The following MX2 variants were observed in gnomAD, a reference collection of about 807,000 sequenced individuals.
The protein encoded by MX2 is MX dynamin like GTPase 2, also known as interferon-induced GTP-binding protein Mx2.
A neutral mutation model predicts 74.0 loss-of-function variants in MX2; 51 were observed. That is an observed-to-expected ratio of 0.69 (90% confidence interval 0.55 to 0.87). The LOEUF (loss-of-function observed/expected upper bound fraction) is 0.87. MX2 is among the 40% of genes least tolerant of loss of function. The pLI, the probability that MX2 is intolerant of heterozygous loss-of-function variation, is 0.00. For missense variants in MX2, 832 were observed against 908.7 expected (o/e 0.92, Z 1.09); for synonymous variants, 369 against 339.3 (o/e 1.09, Z -0.96).
rs141821127 is a variant in MX2, at chr21:41,377,095, C to T, written c.189C>T (p.Phe63=). 6.2e-7 allele frequency: 1 copy of T among 1,614,100 alleles called. No homozygotes were observed. The highest frequency in any genetic ancestry group is 1.1e-5 in the South Asian group (1 of 91,092). The part of the protein sequence containing the change: ...EKDAAFLAKD[F]NFLTLNNQPP... Reference sequence around the variant, plus strand: ...ACGCTGCTTTCCTCGCCAAGGACTTCAACTTTCTCACTTTGAACAATCAGC... The same window carrying T: ...ACGCTGCTTTCCTCGCCAAGGACTTTAACTTTCTCACTTTGAACAATCAGC... Residue 63 remains phenylalanine, a synonymous_variant, in exon 2 of 14, where the codon TTC becomes TTT. Transcript: ENST00000330714.
chr21:41,402,926 C>T lies in MX2; in HGVS notation c.1574-341C>T. ...CTGAAAAGAGGTGGGGCTCAGGCAG[C>T]AGTGCTCACTAGCTCACTGCACACC... On this transcript the variant is annotated intron_variant, in intron 11 of 13. Coordinates refer to ENST00000330714, the MANE Select transcript of MX2 (RefSeq NM_002463.2). This position sits in a 1 kb window ranked among gnomAD's most constrained non-coding sequence, Gnocchi z 4.5. 4.1e-6 allele frequency: 1 copy of T among 246,058 alleles called. No individual in the cohort carries two copies. The highest frequency in any genetic ancestry group is 8.2e-6 in the Non-Finnish European group (1 of 122,454). The allele number at this position is 246,058 out of a possible 1,614,324, so 15.2% of individuals were successfully genotyped here.
At position 41,368,034 on chromosome 21, in the gene MX2, C is replaced by T. The variant is rs2089282821; in HGVS notation, c.-72+5979C>T. Among the ~76,000 whole-genome samples, 1 of 152,182 alleles carries T rather than the reference C, an allele frequency of 6.6e-6. No homozygotes were observed. Among genetic ancestry groups the T allele is most frequent in the Non-Finnish European group, 1.5e-5 (1 of 68,040 alleles). Reference sequence around the variant, plus strand: ...CCCTCTCTCAAGACCTGCACTTTCTCTTCAAGTCAAGGTCCACAGCTCCCA... The same window carrying T: ...CCCTCTCTCAAGACCTGCACTTTCTTTTCAAGTCAAGGTCCACAGCTCCCA... On this transcript the variant is annotated intron_variant, in intron 1 of 13. Transcript: ENST00000330714. This position sits in a 1 kb window ranked among gnomAD's most constrained non-coding sequence, Gnocchi z 4.6.
At chr21:41,382,856 G>C (rs1239280531) in intron 5 of MX2, among the ~76,000 whole-genome samples, 1 of 152,252 alleles carries the variant, frequency 6.6e-6, no homozygotes, top group African/African-American at 2.4e-5. Context: ...CAGTTGTGCT[G>C]ATAGTCAAAA....
chr21:41,387,741 C>T (rs1447121310), intron 5 of MX2, among the ~76,000 whole-genome samples: 1 of 152,198 alleles, frequency 6.6e-6, no homozygotes, highest in African/African-American at 2.4e-5. Flanking sequence ...CCCCTGAAAT[C>T]CAGGCTCCTA....
chr21:41,397,530 C>T (rs1467803078), intron 7 of MX2, 83 bp from the exon 8 acceptor site: 2 of 1,274,810 alleles, frequency 1.6e-6, no homozygotes, highest in Admixed American at 1.8e-5. Context: ...GGGAGCTGGG[C>T]TCACCTACCA....
chr21:41,391,014 A>G lies in MX2; in HGVS notation c.871+311A>G, dbSNP rs534920660. Among the ~76,000 whole-genome samples the G allele has an allele frequency of 1.8e-3, 272 of 151,954 alleles. 1 individual carries two copies. Among genetic ancestry groups the G allele is most frequent in the African/African-American group, 6.2e-3 (257 of 41,458 alleles). On this transcript the variant is annotated intron_variant, in intron 6 of 13. Transcript: ENST00000330714. ...GAGCAAGACTCCATCTCAAAAAAAA[A>G]AAAAAGAACCAAGCTTCCAGGGCAT...
chr21:41,390,281 T>G, intron 5 of MX2: 1 of 397,786 alleles, frequency 2.5e-6, no homozygotes, highest in South Asian at 2.6e-5. Flanking sequence ...TCGGGTGAGA[T>G]CTAGAGGGGA....
intron 8 of MX2, 122 bp downstream of exon 8, chr21:41,397,813 C>A: frequency 1.3e-6 from 1 of 742,266 alleles, no homozygotes; most frequent in South Asian, 1.8e-5. Context: ...ACCCTCTGAA[C>A]ACTGTCTCAC....
chr21:41,392,250 A>G (rs2145929625), intron 6 of MX2, among the ~76,000 whole-genome samples: 1 of 152,360 alleles, frequency 6.6e-6, no homozygotes, highest in Non-Finnish European at 1.5e-5. Context: ...AATAGCCCAA[A>G]GGTGGGAGCA....
intron 3 of MX2, among the ~76,000 whole-genome samples, chr21:41,379,069 G>C (rs866246981): frequency 1.3e-5 from 2 of 152,234 alleles, no homozygotes; most frequent in Admixed American, 1.3e-4. Flanking sequence ...CCCCTCCCCT[G>C]GCCTCCCTGC....
intron 6 of MX2, among the ~76,000 whole-genome samples, chr21:41,395,232 G>A (rs2089718891): frequency 7.0e-6 from 1 of 142,074 alleles, no homozygotes. Context: ...GGAGACACTA[G>A]AGAGGGACTC....
At chr21:41,367,215 T>G (rs2089273341) in intron 1 of MX2, 1 of 152,218 alleles carries the variant, frequency 6.6e-6, no homozygotes, top group African/African-American at 2.4e-5. Context: ...CAAGGTAATT[T>G]GTTGTGACTG....
chr21:41,387,431 T>C (rs894446672), intron 5 of MX2, among the ~76,000 whole-genome samples: 2 of 152,236 alleles, frequency 1.3e-5, no homozygotes, highest in African/African-American at 4.8e-5. Context: ...AACAAGTGCT[T>C]GGCAGTGTTC....
chr21:41,366,242 G>T lies in MX2; in HGVS notation c.-72+4187G>T, dbSNP rs1319973343. 6.6e-6 allele frequency: 1 copy of T among 152,256 alleles called. No homozygotes were observed. The highest frequency in any genetic ancestry group is 2.4e-5 in the African/African-American group (1 of 41,468). The allele number at this position is 152,256 out of a possible 1,614,324, so 9.4% of individuals were successfully genotyped here. ...GTGAGTTTGCTGAAATACCCCAGGT[G>T]CACAGTTTGGGGAACATAGTCTTAT... On this transcript the variant is annotated intron_variant, in intron 1 of 13. Transcript: ENST00000330714. The surrounding 1 kb of genome is among the most constrained non-coding windows in gnomAD (Gnocchi z 4.5).
Sources: gnomAD v4.1 joint callset for allele counts (sites outside exome capture counted in the v4.1 genomes callset) on GRCh38, gnomAD v4.1.1 for gene constraint, Gnocchi (gnomAD v3.1) non-coding constraint, MANE v1.5 for transcripts, NCBI Gene and HGNC (gene_info 2026-07-23, HGNC 2026-07-21) for gene names.